The following OSBPL10 variants were observed in gnomAD, a reference collection of about 807,000 sequenced individuals.
OSBPL10 encodes the protein oxysterol binding protein like 10, also known as oxysterol-binding protein-related protein 10.
Under a neutral mutation model 81.7 loss-of-function variants are expected in OSBPL10, and 49 were observed. The observed-to-expected ratio is 0.60, with a 90% CI of 0.48 to 0.76. The LOEUF is 0.76. Among genes scored for constraint, OSBPL10 ranks in the 30% least tolerant of loss-of-function variants. The pLI, the probability that OSBPL10 is intolerant of heterozygous loss-of-function variation, is 0.00. For synonymous variants in OSBPL10, 419 were observed against 383.6 expected, an observed-to-expected ratio of 1.09 and a Z score of -1.08; for missense variants, 923 against 987.8, an observed-to-expected ratio of 0.93 and a Z score of 0.88.
intron 3 of OSBPL10, among the ~76,000 whole-genome samples, chr3:31,834,867 G>A (rs1700328565): frequency 6.6e-6 from 1 of 152,100 alleles, no homozygotes. Context: ...GTTCAAATCT[G>A]GGCTCCAACA....
At chr3:31,867,742 AGAGAAAGGAAGG>A (rs1701215750) in intron 3 of OSBPL10, among the ~76,000 whole-genome samples, 1 of 139,018 alleles carries the variant, frequency 7.2e-6, no homozygotes, top group African/African-American at 2.6e-5. Context: ...ACAAGAAGAA[AGAGAAAGGAAGG>A]GAGGAAGGAA....
At chr3:31,867,747 A>AAGGAAGGG (rs1242653511) in intron 3 of OSBPL10, among the ~76,000 whole-genome samples, 1 of 138,864 alleles carries the variant, frequency 7.2e-6, no homozygotes, top group Admixed American at 7.0e-5. Flanking sequence ...AAGAAAGAGA[A>AAGGAAGGG]AGGAAGGGAG....
chr3:31,893,830 T>C (rs968012591), intron 1 of OSBPL10, among the ~76,000 whole-genome samples: 1 of 152,230 alleles, frequency 6.6e-6, no homozygotes, highest in Non-Finnish European at 1.5e-5. Context: ...TAAGTGGTTG[T>C]CTGGGGCTAA....
At chr3:32,074,751 C>T (rs1699860335) in intron 1 of OSBPL10, among the ~76,000 whole-genome samples, 2 of 152,218 alleles carry the variant, frequency 1.3e-5, no homozygotes, top group Admixed American at 6.5e-5. Context: ...ATCCCCATTA[C>T]AATCTGTAAC....
intron 1 of OSBPL10, among the ~76,000 whole-genome samples, chr3:31,908,631 G>C (rs948501655): frequency 6.6e-6 from 1 of 152,116 alleles, no homozygotes; most frequent in African/African-American, 2.4e-5. Context: ...GAAACTACTG[G>C]ACAGGAAAAA....
chr3:31,838,857 T>C (rs4629374), intron 3 of OSBPL10, among the ~76,000 whole-genome samples: 98,644 of 152,176 alleles, frequency 0.65, 34,079 homozygotes, highest in East Asian at 0.82. Flanking sequence ...AATTAACTAT[T>C]CCTAATAACA....
chr3:31,942,262 A>G (rs1697554101), intron 1 of OSBPL10, among the ~76,000 whole-genome samples: 1 of 151,552 alleles, frequency 6.6e-6, no homozygotes, highest in Non-Finnish European at 1.5e-5. Flanking sequence ...GGCTCAATAT[A>G]AAAAGCGGGC....
At chr3:31,888,304 C>T (rs1009886731) in intron 1 of OSBPL10, among the ~76,000 whole-genome samples, 1 of 152,094 alleles carries the variant, frequency 6.6e-6, no homozygotes, top group Non-Finnish European at 1.5e-5. Context: ...TTATCCTATA[C>T]AAAAATCAAC....
At chr3:31,729,235 C>T (rs1202080006) in intron 6 of OSBPL10, among the ~76,000 whole-genome samples, 4 of 152,144 alleles carry the variant, frequency 2.6e-5, no homozygotes, top group African/African-American at 9.7e-5. Context: ...CTCTGTCATT[C>T]AGGATGGGTT....
At chr3:31,707,720 C>T (rs1188522108) in intron 6 of OSBPL10, among the ~76,000 whole-genome samples, 2 of 152,206 alleles carry the variant, frequency 1.3e-5, no homozygotes, top group African/African-American at 4.8e-5. Context: ...TACACAGCAG[C>T]ATGGCAAAGA....
chr3:31,712,838 A>T (rs572679620), intron 6 of OSBPL10, among the ~76,000 whole-genome samples: 2 of 152,358 alleles, frequency 1.3e-5, no homozygotes, highest in African/African-American at 4.8e-5. Context: ...CCTCCAAAAT[A>T]TGATCCTCCT....
At chr3:31,901,313 C>T (rs1253761448) in intron 1 of OSBPL10, among the ~76,000 whole-genome samples, 1 of 152,216 alleles carries the variant, frequency 6.6e-6, no homozygotes, top group African/African-American at 2.4e-5. Context: ...AATCCAAAAT[C>T]CTTAAGTGTG....
chr3:31,702,464 A>C lies in OSBPL10; in HGVS notation c.1140T>G (p.Ser380Arg). 1 of 1,614,184 alleles carries C rather than the reference A, an allele frequency of 6.2e-7. No homozygotes were observed. The highest frequency in any genetic ancestry group is 1.6e-4 in the Middle Eastern group (1 of 6,062). The change falls in exon 7 of 12, where the codon AGT (serine) becomes AGG (arginine). Residue 380 changes from serine to arginine, a missense_variant. Physicochemically the swap from Ser to Arg is moderately radical, Grantham distance 110. This residue lies in a region of OSBPL10 where 514 missense variants were observed against 508.0 expected (regional missense o/e 1.01). Transcript: ENST00000396556. ...CCGTCTCTTCCTTATCTTCATTGTC[A>C]CTTTTTTCATCTTCAGACAAAACCA... ...SELVLSEDEK[S>R]DNEDKEETEL... is the part of the protein sequence containing the mutation.
rs140784059 is a variant in OSBPL10 at position 31,890,198 on chromosome 3, G to A, written c.282-10368C>T. Among the ~76,000 whole-genome samples, 4 of 149,852 alleles carry A rather than the reference G, an allele frequency of 2.7e-5. No individual in the cohort carries two copies. The East Asian group carries it at 7.8e-4, about 29-fold the overall frequency. The stretch of plus-strand genomic sequence containing the variant: ...CATCACCCTGTTTTCCATCTGGTAT[G>A]CCAAGCATTTCTCTCAATCATTCAT... On this transcript the variant is annotated intron_variant, in intron 1 of 11. Coordinates refer to ENST00000396556, the MANE Select transcript of OSBPL10 (RefSeq NM_017784.5).
At chr3:31,747,114 C>T (rs1022765054) in intron 5 of OSBPL10, among the ~76,000 whole-genome samples, 1 of 152,142 alleles carries the variant, frequency 6.6e-6, no homozygotes, top group African/African-American at 2.4e-5. Context: ...ACAGGTGGAT[C>T]ACCTGAGGTC....
At chr3:32,047,653 CTGTTTTT>C (rs1395178667) in intron 1 of OSBPL10, among the ~76,000 whole-genome samples, 1 of 151,690 alleles carries the variant, frequency 6.6e-6, no homozygotes, top group Admixed American at 6.6e-5. Context: ...TTACTACAAC[CTGTTTTT>C]TGTTTTTTGT....
Position 31,881,887 on chromosome 3 carries a change from T to C in OSBPL10, c.282-2057A>G, listed in dbSNP as rs139249084. 9.7e-4 allele frequency among the ~76,000 whole-genome samples: 148 copies of C among 152,360 alleles called. No individual in the cohort carries two copies. In the East Asian group the frequency reaches 0.011, roughly 11 times the overall value. On this transcript the variant is annotated intron_variant, in intron 1 of 11. Transcript: ENST00000396556. ...TGTTATCCCCACATTATACGTATCC[T>C]GAGACTTGAAGGAATTTAAAATCCA...
chr3:31,939,696 C>A (rs1697482743), intron 1 of OSBPL10, among the ~76,000 whole-genome samples: 1 of 152,122 alleles, frequency 6.6e-6, no homozygotes, highest in Non-Finnish European at 1.5e-5. Context: ...TCTGGAACAT[C>A]TTCCCTGAGC....
chr3:31,708,400 C>T (rs1176747421), intron 6 of OSBPL10, among the ~76,000 whole-genome samples: 1 of 152,176 alleles, frequency 6.6e-6, no homozygotes, highest in Non-Finnish European at 1.5e-5. Context: ...TCTTCACAAT[C>T]AGTGACATTT....
Sources: gnomAD v4.1 joint callset for allele counts (sites outside exome capture counted in the v4.1 genomes callset) on GRCh38, gnomAD v4.1.1 for gene constraint, gnomAD v4.1.1 regional missense constraint, MANE v1.5 for transcripts, NCBI Gene and HGNC (gene_info 2026-07-23, HGNC 2026-07-21) for gene names.